Variants in NUDC observed in about 807,000 individuals in gnomAD.
NUDC encodes the protein nuclear migration protein nudC.
A neutral mutation model predicts 45.0 loss-of-function variants in NUDC; 14 were observed. That is an observed-to-expected ratio of 0.31 (90% CI 0.21 to 0.49). The LOEUF (loss-of-function observed/expected upper bound fraction) is 0.49. Ranked by LOEUF, NUDC falls within the 20% of genes least tolerant of loss-of-function variation. NUDC has a pLI of 0.99. For synonymous variants in NUDC, 153 were observed against 156.7 expected (o/e 0.98, Z 0.17); for missense variants, 323 against 426.2 (o/e 0.76, Z 2.13).
Position 26,946,634 on chromosome 1 carries a change from C to G in NUDC, c.*453C>G, listed in dbSNP as rs2082319538. ...TGGGAGGCTGAGGGGAGCAGATCAC[C>G]TGATGTCAGGAGTTTGAGACCAGCT... On this transcript the variant is annotated 3_prime_UTR_variant, in exon 9 of 9. Coordinates refer to ENST00000321265, the MANE Select transcript of NUDC (RefSeq NM_006600.4). 1 of 229,288 alleles carries G rather than the reference C, an allele frequency of 4.4e-6. No individual in the cohort carries two copies. Among genetic ancestry groups the G allele is most frequent in the Non-Finnish European group, 8.8e-6 (1 of 114,202 alleles). The allele number at this position is 229,288 out of a possible 1,614,324, so 14.2% of individuals were successfully genotyped here. A position where few individuals can be genotyped will look rare whatever the true frequency, so the allele number is the denominator to read the frequency against.
intron 1 of NUDC, chr1:26,900,423 G>A (rs762400681): frequency 1.2e-6 from 2 of 1,609,778 alleles, no homozygotes; most frequent in Non-Finnish European, 1.7e-6. Flanking sequence ...CTCCTCCTCC[G>A]CCTCGCCGGG....
At chr1:26,919,352 C>T (rs541088428), upstream of NUDC, among the ~76,000 whole-genome samples, 13 of 152,220 alleles carry the variant, frequency 8.5e-5, no homozygotes, top group South Asian at 2.3e-3. Flanking sequence ...CCCATCAACT[C>T]GTTATTTAAC....
chr1:26,938,689 G>A (rs2082253721), intron 2 of NUDC, among the ~76,000 whole-genome samples: 2 of 152,294 alleles, frequency 1.3e-5, no homozygotes, highest in South Asian at 4.1e-4. Flanking sequence ...CAGGTCTGGG[G>A]GCCCGTGGGT....
At chr1:26,924,753 A>G (rs1161798662) in intron 2 of NUDC, among the ~76,000 whole-genome samples, 1 of 151,986 alleles carries the variant, frequency 6.6e-6, no homozygotes, top group Non-Finnish European at 1.5e-5. Context: ...AGGTTTCATC[A>G]TATTGGCCAG....
intron 2 of NUDC, among the ~76,000 whole-genome samples, chr1:26,904,833 C>A (rs1019108961): frequency 4.6e-5 from 7 of 151,520 alleles, no homozygotes; most frequent in Non-Finnish European, 1.0e-4. Context: ...AGGAGAAAAT[C>A]ATACATTATT....
chr1:26,922,357 TG>T (rs1457341320), intron 1 of NUDC: 1 of 246,154 alleles, frequency 4.1e-6, no homozygotes, highest in Non-Finnish European at 8.1e-6. Flanking sequence ...AGGCCTTGAA[TG>T]GGGGAATAGG....
intron 3 of NUDC, chr1:26,913,680 C>CA: frequency 6.2e-7 from 1 of 1,613,006 alleles, no homozygotes; most frequent in Non-Finnish European, 8.5e-7. Flanking sequence ...AACCCTGCAG[C>CA]AGCCGCCGCT....
rs145127838 is a variant in NUDC at position 26,946,449 on chromosome 1, C to A, written c.*268C>A. The A allele has an allele frequency of 2.0e-6, 1 of 500,366 alleles. No homozygotes were observed. The highest frequency in any genetic ancestry group is 3.6e-6 in the Non-Finnish European group (1 of 274,506). 31.0% of individuals were successfully genotyped at this position (500,366 alleles called of 1,614,324 possible). A position where few individuals can be genotyped will look rare whatever the true frequency, so the allele number is the denominator to read the frequency against. ...CTTTCTCTGGGGCACAGGCCTCTTA[C>A]GGCTGCTGCTGGGAACTGGGAGTTT... On this transcript the variant is annotated 3_prime_UTR_variant, in exon 9 of 9. Coordinates refer to ENST00000321265, the MANE Select transcript of NUDC (RefSeq NM_006600.4).
Position 26,921,767 on chromosome 1 carries a change from T to C in NUDC, c.-82T>C, listed in dbSNP as rs1025139526. The C allele has an allele frequency of 6.9e-6, 10 of 1,450,554 alleles. No homozygotes were observed. The highest frequency in any genetic ancestry group is 9.4e-6 in the Non-Finnish European group (10 of 1,059,784). 89.9% of individuals were successfully genotyped at this position (1,450,554 alleles called of 1,614,324 possible). A position where few individuals can be genotyped will look rare whatever the true frequency, so the allele number is the denominator to read the frequency against. On this transcript the variant is annotated 5_prime_UTR_variant, in exon 1 of 9. Transcript: ENST00000321265. ...TGCGGAAGGCGGACGACTAGAGTCG[T>C]TGGGCCCGGCGCGACCCGCAGGAGC...
At chr1:26,935,975 T>A (rs1423003360) in intron 2 of NUDC, among the ~76,000 whole-genome samples, 3 of 145,388 alleles carry the variant, frequency 2.1e-5, no homozygotes, top group Admixed American at 6.9e-5. Flanking sequence ...AAAAAAAAAA[T>A]GTTTTGTTTT....
chr1:26,933,116 A>G (rs2082197106), intron 2 of NUDC, among the ~76,000 whole-genome samples: 2 of 151,788 alleles, frequency 1.3e-5, no homozygotes, highest in African/African-American at 4.8e-5. Context: ...TTGTATTTTT[A>G]TTAGAGTCGG....
chr1:26,921,430 G>T (rs2082089875), upstream of NUDC, among the ~76,000 whole-genome samples: 1 of 152,170 alleles, frequency 6.6e-6, no homozygotes, highest in African/African-American at 2.4e-5. Context: ...ACAAGCTGGG[G>T]GGGTCGCTAG....
intron 2 of NUDC, among the ~76,000 whole-genome samples, chr1:26,940,945 T>TG (rs71582823): frequency 6.7e-6 from 1 of 149,906 alleles, no homozygotes; most frequent in Admixed American, 6.7e-5. Context: ...TTTTTTGAGA[T>TG]GGAGTCTTGC....
At position 26,909,218 on chromosome 1, in the gene NUDC, G is replaced by T. The variant is rs373880598; in HGVS notation, c.-15-1910G>T. Among the ~76,000 whole-genome samples, 4 of 152,220 alleles carry T rather than the reference G, an allele frequency of 2.6e-5. No homozygotes were observed. In the East Asian group the frequency reaches 7.7e-4, roughly 29 times the overall value. On this transcript the variant is annotated intron_variant, in intron 2 of 6. Coordinates refer to the NUDC transcript ENST00000435827. ...TTGAACTCCTAACCTCAGGTGATCCGCCTGGCTTGGCCTCCAAAAGTGCTG... is the reference window on the plus strand; with the variant it reads ...TTGAACTCCTAACCTCAGGTGATCCTCCTGGCTTGGCCTCCAAAAGTGCTG...
intron 3 of NUDC, among the ~76,000 whole-genome samples, chr1:26,913,213 G>A (rs1223359055): frequency 6.6e-6 from 1 of 152,180 alleles, no homozygotes; most frequent in Non-Finnish European, 1.5e-5. Context: ...CTTGAACCCA[G>A]GAGGCAGAGG....
chr1:26,933,695 T>A (rs1335721966), intron 2 of NUDC, among the ~76,000 whole-genome samples: 1 of 152,174 alleles, frequency 6.6e-6, no homozygotes, highest in Admixed American at 6.6e-5. Context: ...ATTACAGGTT[T>A]GAGCCACTGC....
At chr1:26,930,483 G>T (rs939457002) in intron 2 of NUDC, among the ~76,000 whole-genome samples, 1 of 152,154 alleles carries the variant, frequency 6.6e-6, no homozygotes, top group Non-Finnish European at 1.5e-5. Context: ...GGGCTGAGAT[G>T]GGGGGATCAC....
chr1:26,900,395 T>C (rs1557662302), exon 1 of NUDC: 1 of 1,613,562 alleles, frequency 6.2e-7, no homozygotes, highest in South Asian at 1.1e-5. Flanking sequence ...TACCGCTCAC[T>C]ACCAGGTAAA....
chr1:26,942,922 G>A lies in NUDC; in HGVS notation c.598G>A (p.Val200Met), dbSNP rs150079522. The change falls in exon 6 of 9, where the codon GTG (valine) becomes ATG (methionine). Residue 200 changes from valine to methionine, a missense_variant. Coordinates refer to ENST00000321265, the MANE Select transcript of NUDC (RefSeq NM_006600.4). Reference protein sequence around the residue: ...NFRLKGKDMVVDIQRRHLRVG... With the variant: ...NFRLKGKDMVMDIQRRHLRVG... ...CCGGCTGAAAGGGAAGGACATGGTG[G>A]TGGACATCCAGCGGCGGCACCTCCG... 1.4e-4 allele frequency: 224 copies of A among 1,613,984 alleles called. 1 individual carries two copies. The African/African-American group carries it at 2.7e-3, about 20-fold the overall frequency.
Sources: allele counts gnomAD v4.1 joint callset (sites outside exome capture counted in the v4.1 genomes callset), GRCh38; gene constraint gnomAD v4.1.1; transcripts MANE v1.5; gene names NCBI Gene and HGNC (gene_info 2026-07-23, HGNC 2026-07-21).